The following PIK3C2A variants were observed in gnomAD, a reference collection of about 807,000 sequenced individuals.
PIK3C2A encodes phosphatidylinositol 4-phosphate 3-kinase C2 domain-containing subunit alpha.
PIK3C2A carries 97 observed loss-of-function variants against 204.5 expected under a neutral mutation model. That is an observed-to-expected ratio of 0.47 (90% CI 0.40 to 0.56). PIK3C2A has a LOEUF of 0.56. PIK3C2A is among the 20% of genes least tolerant of loss of function. The pLI is 0.00. For missense variants in PIK3C2A, 1,735 were observed against 1,969.2 expected (o/e 0.88, Z 2.25); for synonymous variants, 653 against 664.4 (o/e 0.98, Z 0.26).
chr11:17,100,271 G>A (rs548226354), intron 25 of PIK3C2A, among the ~76,000 whole-genome samples: 5 of 142,922 alleles, frequency 3.5e-5, no homozygotes, highest in Non-Finnish European at 6.1e-5. Flanking sequence ...GCAGGGAGCC[G>A]GGTGCGATCT....
In PIK3C2A at chr11:17,105,221, G is replaced by A; in HGVS notation, c.3629C>T (p.Pro1210Leu). 9.3e-6 allele frequency: 15 copies of A among 1,611,226 alleles called. No homozygotes were observed. Among genetic ancestry groups the A allele is most frequent in the Non-Finnish European group, 1.3e-5 (15 of 1,177,612 alleles). The stretch of plus-strand genomic sequence containing the variant: ...GTATTTCCTTAGCCACTCTGCAAGT[G>A]GTTTATCTTTAAAGGATCCTGTCAC... The part of the protein sequence containing the change: ...YGVTGSFKDK[P>L]LAEWLRKYNP... Residue 1210 changes from proline to leucine, a missense_variant, in exon 23 of 33, where the codon CCA becomes CTA. Transcript: ENST00000691414.
intron 11 of PIK3C2A, among the ~76,000 whole-genome samples, chr11:17,133,482 C>A (rs949401565): frequency 1.3e-5 from 2 of 152,138 alleles, no homozygotes; most frequent in East Asian, 3.8e-4. Flanking sequence ...TTTTAAGTCA[C>A]TAAATTATTA....
intron 13 of PIK3C2A, among the ~76,000 whole-genome samples, chr11:17,124,044 T>G (rs1390781677): frequency 6.6e-6 from 1 of 152,044 alleles, no homozygotes; most frequent in Non-Finnish European, 1.5e-5. Context: ...ATCATATATA[T>G]ATATATATGG....
chr11:17,201,193 G>A (rs539767966), intron 1 of PIK3C2A, among the ~76,000 whole-genome samples: 226 of 148,466 alleles, frequency 1.5e-3, no homozygotes, highest in African/African-American at 5.0e-3. Context: ...GTTACAGAGC[G>A]ATATTCTATC....
chr11:17,120,099 C>T (rs1005203181), intron 15 of PIK3C2A, 125 bp from the exon 16 acceptor site: 1 of 506,474 alleles, frequency 2.0e-6, no homozygotes, highest in Non-Finnish European at 3.4e-6. Flanking sequence ...ATCATTAATA[C>T]TAATTTGGAA....
chr11:17,137,409 T>TTGC, intron 8 of PIK3C2A, among the ~76,000 whole-genome samples: 1 of 125,872 alleles, frequency 7.9e-6, no homozygotes, highest in African/African-American at 3.0e-5. Flanking sequence ...CTATATTACT[T>TTGC]CATATTACTT....
chr11:17,190,413 A>C (rs1330203135), intron 1 of PIK3C2A, among the ~76,000 whole-genome samples: 23 of 151,680 alleles, frequency 1.5e-4, no homozygotes, highest in Admixed American at 1.5e-3. Context: ...CTCTATTAAA[A>C]TACAAAAATT....
intron 21 of PIK3C2A, among the ~76,000 whole-genome samples, chr11:17,111,882 C>CAA (rs201931743): frequency 2.5e-4 from 8 of 31,436 alleles, no homozygotes; most frequent in East Asian, 2.0e-3. Context: ...GTCTCCAAAA[C>CAA]AAAAAAAAAA....
intron 8 of PIK3C2A, 85 bp from the exon 9 acceptor site, chr11:17,136,710 T>A: frequency 1.5e-6 from 1 of 664,516 alleles, no homozygotes; most frequent in Non-Finnish European, 2.5e-6. Context: ...CTAGATATCT[T>A]AGATATCCCT....
At chr11:17,205,050 A>C (rs1471916472) in intron 1 of PIK3C2A, among the ~76,000 whole-genome samples, 1 of 151,560 alleles carries the variant, frequency 6.6e-6, no homozygotes, top group Non-Finnish European at 1.5e-5. Context: ...GGTGGTGTGC[A>C]CCTGTAATCC....
chr11:17,188,933 T>C (rs578213647), intron 1 of PIK3C2A, among the ~76,000 whole-genome samples: 1 of 146,938 alleles, frequency 6.8e-6, no homozygotes, highest in Admixed American at 6.6e-5. Context: ...GCTGCCCTCC[T>C]GAGGCAAGGG....
At chr11:17,172,651 TCCA>T (rs1851216313) in intron 1 of PIK3C2A, among the ~76,000 whole-genome samples, 1 of 152,256 alleles carries the variant, frequency 6.6e-6, no homozygotes, top group Non-Finnish European at 1.5e-5. Flanking sequence ...TGTTTTAACT[TCCA>T]CCACCACCTT....
chr11:17,161,463 A>G (rs1479652183), intron 2 of PIK3C2A, among the ~76,000 whole-genome samples: 2 of 152,240 alleles, frequency 1.3e-5, no homozygotes, highest in African/African-American at 4.8e-5. Flanking sequence ...AGAACTTTGC[A>G]AAGCCACCTC....
chr11:17,171,060 G>A (rs1214909264), intron 1 of PIK3C2A, among the ~76,000 whole-genome samples: 2 of 152,074 alleles, frequency 1.3e-5, no homozygotes, highest in Non-Finnish European at 1.5e-5. Flanking sequence ...CCGAGATCAC[G>A]TCACTGCATT....
intron 23 of PIK3C2A, among the ~76,000 whole-genome samples, chr11:17,103,660 ACAAT>A (rs1003649208): frequency 2.7e-4 from 41 of 152,198 alleles, no homozygotes; most frequent in Non-Finnish European, 7.3e-5. Context: ...GAATCTCACA[ACAAT>A]CAATGACTTA....
chr11:17,149,907 A>ATT (rs1850372913), intron 4 of PIK3C2A, among the ~76,000 whole-genome samples: 1 of 152,216 alleles, frequency 6.6e-6, no homozygotes, highest in African/African-American at 2.4e-5. Context: ...TAAAAACAGC[A>ATT]TAATTCTTAG....
intron 20 of PIK3C2A, 53 bp from the exon 21 acceptor site, chr11:17,112,719 AT>A (rs1377978339): frequency 9.0e-4 from 818 of 909,662 alleles, no homozygotes; most frequent in South Asian, 2.0e-3. Flanking sequence ...TGGATTTAGA[AT>A]TTTTTTTTGT....
intron 11 of PIK3C2A, among the ~76,000 whole-genome samples, chr11:17,132,465 G>A (rs1849730672): frequency 6.6e-6 from 1 of 151,354 alleles, no homozygotes; most frequent in Admixed American, 6.6e-5. Context: ...GAGTAGCTGG[G>A]ACTACAGGCG....
In PIK3C2A at chr11:17,129,457, G is replaced by A. The variant is rs754979640; in HGVS notation, c.2242C>T (p.Pro748Ser). The change falls in exon 13 of 33, where the codon CCT (proline) becomes TCT (serine). Residue 748 changes from proline (P) to serine (S), a missense_variant. This residue lies in a region of PIK3C2A where 567 missense variants were observed against 576.0 expected (regional missense o/e 0.98). Transcript: ENST00000691414. ...AATGGCAATTGTGATATCTGGATAG[G>A]AAAAATGATTCTATGGGGGGAAAAA... ...LIKWDELIIF[P>S]IQISQLPLES... 5 of 1,596,428 alleles carry A rather than the reference G, an allele frequency of 3.1e-6. No individual in the cohort carries two copies. The highest frequency in any genetic ancestry group is 4.3e-6 in the Non-Finnish European group (5 of 1,166,750).
Sources: allele counts gnomAD v4.1 joint callset (sites outside exome capture counted in the v4.1 genomes callset), GRCh38; gene constraint gnomAD v4.1.1; regional missense constraint gnomAD v4.1.1; transcripts MANE v1.5; gene names NCBI Gene and HGNC (gene_info 2026-07-23, HGNC 2026-07-21).